The following CBLN2 variants were observed in gnomAD, a reference collection of about 807,000 sequenced individuals.
CBLN2 encodes cerebellin-2.
In CBLN2, 7 loss-of-function variants were observed where a neutral mutation model predicts 15.0. The ratio of observed to expected loss-of-function variants is 0.47; its 90% CI spans 0.27 to 0.88. The LOEUF (loss-of-function observed/expected upper bound fraction) is 0.88, where lower values mean the gene tolerates loss of function less well. Among genes scored for constraint, CBLN2 ranks in the 40% least tolerant of loss-of-function variants. CBLN2 has a pLI of 0.14. For synonymous variants in CBLN2, 149 were observed against 135.2 expected (o/e 1.10, Z -0.71); for missense variants, 242 against 304.5 (o/e 0.79, Z 1.53).
intron 1 of CBLN2, among the ~76,000 whole-genome samples, chr18:72,614,204 A>G (rs937755363): frequency 6.6e-6 from 1 of 152,204 alleles, no homozygotes; most frequent in Admixed American, 6.5e-5. Flanking sequence ...CTTTATAAAC[A>G]AATGAAAATA....
At chr18:72,586,338 T>C (rs2069443020) in intron 1 of CBLN2, among the ~76,000 whole-genome samples, 1 of 152,204 alleles carries the variant, frequency 6.6e-6, no homozygotes, top group Admixed American at 6.5e-5. Flanking sequence ...ATTTAATATG[T>C]ATGCTGCAGG....
At chr18:72,548,515 A>G (rs1386614859), upstream of CBLN2, among the ~76,000 whole-genome samples, 1 of 152,212 alleles carries the variant, frequency 6.6e-6, no homozygotes, top group Non-Finnish European at 1.5e-5. Context: ...TCATTGCCCA[A>G]ACTAAAAATA....
chr18:72,556,345 C>T (rs1179682829), intron 1 of CBLN2, among the ~76,000 whole-genome samples: 1 of 152,134 alleles, frequency 6.6e-6, no homozygotes, highest in African/African-American at 2.4e-5. Context: ...CTAAACCTGG[C>T]ATCAATATTA....
chr18:72,616,833 T>G (rs753114337), intron 1 of CBLN2, among the ~76,000 whole-genome samples: 2 of 152,216 alleles, frequency 1.3e-5, no homozygotes, highest in Non-Finnish European at 2.9e-5. Context: ...GTGTTTATGT[T>G]TAACCCACTG....
chr18:72,608,050 A>C (rs2069595505), intron 1 of CBLN2, among the ~76,000 whole-genome samples: 1 of 152,198 alleles, frequency 6.6e-6, no homozygotes, highest in South Asian at 2.1e-4. Context: ...CCATTCATAT[A>C]TCTGTAAGGT....
chr18:72,592,484 C>T (rs1255208422), intron 1 of CBLN2, among the ~76,000 whole-genome samples: 1 of 151,926 alleles, frequency 6.6e-6, no homozygotes, highest in Non-Finnish European at 1.5e-5. Flanking sequence ...TATGCAAGGG[C>T]TTTTTAATTT....
Position 72,537,079 on chromosome 18 carries a change from C to A in CBLN2, c.*1097G>T, listed in dbSNP as rs1568247074. 6.6e-6 allele frequency: 1 copy of A among 152,172 alleles called. No individual in the cohort carries two copies. The highest frequency in any genetic ancestry group is 1.5e-5 in the Non-Finnish European group (1 of 68,058). The allele number at this position is 152,172 out of a possible 1,614,324, so 9.4% of individuals were successfully genotyped here. On this transcript the variant is annotated 3_prime_UTR_variant, in exon 5 of 5. Coordinates refer to ENST00000269503, the MANE Select transcript of CBLN2 (RefSeq NM_182511.4). ...TTGAAGCACCTGATCACTGTGCGCT[C>A]ACTCAGAGGTGGATCCAAATAAATT...
chr18:72,571,369 G>T (rs1267552896), intron 1 of CBLN2, among the ~76,000 whole-genome samples: 1 of 152,082 alleles, frequency 6.6e-6, no homozygotes, highest in Non-Finnish European at 1.5e-5. Flanking sequence ...AATGGACACA[G>T]AGGACAAACT....
chr18:72,579,992 A>G (rs2069392471), intron 1 of CBLN2, among the ~76,000 whole-genome samples: 1 of 152,070 alleles, frequency 6.6e-6, no homozygotes, highest in Non-Finnish European at 1.5e-5. Context: ...TAGATCAATA[A>G]TTAACACTTC....
At chr18:72,616,340 T>C (rs142299963) in intron 1 of CBLN2, among the ~76,000 whole-genome samples, 67 of 152,300 alleles carry the variant, frequency 4.4e-4, no homozygotes, top group African/African-American at 1.5e-3. Context: ...AGAAAAACAT[T>C]TCCTTAATTG....
At chr18:72,541,769 G>T (rs576878913) in intron 3 of CBLN2, 35 bp downstream of exon 3, 1 of 1,494,482 alleles carries the variant, frequency 6.7e-7, no homozygotes, top group Admixed American at 2.1e-5. Context: ...CCCTCTCCCC[G>T]GGCTGGGGGC....
chr18:72,631,528 T>C (rs879893174), intron 1 of CBLN2, among the ~76,000 whole-genome samples: 2 of 152,170 alleles, frequency 1.3e-5, no homozygotes, highest in African/African-American at 2.4e-5. Flanking sequence ...CTTTCTGGAA[T>C]TGGGTGCTTG....
chr18:72,579,879 A>G (rs1401930492), intron 1 of CBLN2, among the ~76,000 whole-genome samples: 2 of 152,316 alleles, frequency 1.3e-5, no homozygotes, highest in East Asian at 3.9e-4. Context: ...TTTGTCTCCA[A>G]GGCTTAGTCA....
intron 1 of CBLN2, among the ~76,000 whole-genome samples, chr18:72,608,738 T>C (rs1481893212): frequency 2.0e-5 from 3 of 152,182 alleles, no homozygotes; most frequent in Admixed American, 1.3e-4. Flanking sequence ...GGGCAGTATA[T>C]TAGTCTGTTC....
chr18:72,571,946 A>G (rs1272733733), intron 1 of CBLN2, among the ~76,000 whole-genome samples: 1 of 152,220 alleles, frequency 6.6e-6, no homozygotes, highest in Admixed American at 6.5e-5. Flanking sequence ...TGAATCTCTC[A>G]TATTTTATTA....
Position 72,570,282 on chromosome 18 carries a change from GTTTT to G in CBLN2, c.16-31514_16-31511del, listed in dbSNP as rs34368162. On this transcript the variant is annotated intron_variant, in intron 1 of 2. Coordinates refer to the CBLN2 transcript ENST00000581073. ...GCACTGTTTTCTTCCTTTCTTTCTG[GTTTT>G]TTTTTTTTTTTTTTTCCCGCGGCTT... Among the ~76,000 whole-genome samples, 327 of 133,736 alleles carry G rather than the reference GTTTT, an allele frequency of 2.4e-3. 1 individual carries two copies. Among genetic ancestry groups the G allele is most frequent in the African/African-American group, 8.5e-3 (298 of 34,888 alleles). The allele number at this position is 133,736 out of a possible 152,430, so 87.7% of individuals were successfully genotyped here.
At chr18:72,612,805 G>C (rs926730158) in intron 1 of CBLN2, among the ~76,000 whole-genome samples, 9 of 152,188 alleles carry the variant, frequency 5.9e-5, no homozygotes, top group Non-Finnish European at 1.0e-4. Flanking sequence ...ATGTGTGTTT[G>C]TATTTTATTT....
At chr18:72,613,190 A>C (rs1050810990) in intron 1 of CBLN2, among the ~76,000 whole-genome samples, 1 of 152,142 alleles carries the variant, frequency 6.6e-6, no homozygotes, top group African/African-American at 2.4e-5. Context: ...AAAACAATCT[A>C]TTTCCATACG....
At chr18:72,625,320 T>C (rs1051129520) in intron 1 of CBLN2, 2 of 152,152 alleles carry the variant, frequency 1.3e-5, no homozygotes, top group African/African-American at 4.8e-5. Flanking sequence ...ACTCGGGCTG[T>C]GGACGCTCAG....
Sources: allele counts gnomAD v4.1 joint callset (sites outside exome capture counted in the v4.1 genomes callset), GRCh38; gene constraint gnomAD v4.1.1; transcripts MANE v1.5; gene names NCBI Gene and HGNC (gene_info 2026-07-23, HGNC 2026-07-21).